Variants in TNIK observed in about 807,000 individuals in gnomAD.
TNIK encodes TRAF2 and NCK-interacting protein kinase.
TNIK carries 49 observed loss-of-function variants against 191.3 expected under a neutral mutation model. The ratio of observed to expected loss-of-function variants is 0.26; its 90% CI spans 0.20 to 0.32. The LOEUF is 0.32. TNIK is among the 10% of genes least tolerant of loss of function. TNIK has a pLI of 1.00. For synonymous variants in TNIK, 594 were observed against 600.9 expected (o/e 0.99, Z 0.17); for missense variants, 1,155 against 1,702.3 (o/e 0.68, Z 5.66).
intron 9 of TNIK, among the ~76,000 whole-genome samples, chr3:171,170,057 A>C (rs1735089149): frequency 6.6e-6 from 1 of 152,178 alleles, no homozygotes; most frequent in Admixed American, 6.5e-5. Flanking sequence ...GTTGAATATT[A>C]CCTCACTGTT....
intron 24 of TNIK, 114 bp from the exon 25 acceptor site, chr3:171,085,343 T>A (rs965308441): frequency 8.9e-6 from 9 of 1,007,850 alleles, no homozygotes; most frequent in Non-Finnish European, 1.3e-5. Context: ...GGTATTCAGG[T>A]GTTCACATTC....
At chr3:171,140,968 A>AC (rs1456196417) in intron 12 of TNIK, among the ~76,000 whole-genome samples, 1 of 152,240 alleles carries the variant, frequency 6.6e-6, no homozygotes, top group African/African-American at 2.4e-5. Context: ...TCAAAGCCAT[A>AC]CAGAATTGAT....
chr3:171,139,370 GCACGCGCGCACACACACACACA>G lies in TNIK; in HGVS notation c.1419+78_1419+99del, dbSNP rs369149036. On this transcript the variant is annotated intron_variant, in intron 14 of 32. Transcript: ENST00000436636. ...GGACTGGTATGTTAGAAGGACACAC[GCACGCGCGCACACACACACACA>G]CACACACACACACACACACACAAAC... The G allele has an allele frequency of 7.1e-3, 6,429 of 902,824 alleles. 194 individuals carry two copies. The African/African-American group carries it at 0.097, about 14-fold the overall frequency. 55.9% of individuals were successfully genotyped at this position (902,824 alleles called of 1,614,324 possible). A position where few individuals can be genotyped will look rare whatever the true frequency, so the allele number is the denominator to read the frequency against.
intron 1 of TNIK, among the ~76,000 whole-genome samples, chr3:171,450,446 A>G (rs1228999038): frequency 6.6e-6 from 1 of 152,162 alleles, no homozygotes; most frequent in Admixed American, 6.5e-5. Flanking sequence ...GATGTTGGCA[A>G]TCCAGTTGAG....
intron 9 of TNIK, among the ~76,000 whole-genome samples, chr3:171,172,274 T>G (rs1735387250): frequency 1.3e-5 from 2 of 152,186 alleles, no homozygotes; most frequent in South Asian, 4.1e-4. Flanking sequence ...GGCGCCCCCT[T>G]TGGTCAGGTG....
chr3:171,433,737 C>A (rs937168619), intron 1 of TNIK, among the ~76,000 whole-genome samples: 14 of 151,906 alleles, frequency 9.2e-5, no homozygotes, highest in Non-Finnish European at 1.8e-4. Flanking sequence ...TATTGAAATT[C>A]CATATTAATA....
intron 1 of TNIK, among the ~76,000 whole-genome samples, chr3:171,380,010 AAC>A (rs142059726): frequency 1.5e-4 from 18 of 123,234 alleles, no homozygotes; most frequent in South Asian, 2.9e-4. Context: ...ACTTGGTCAA[AAC>A]ACACACACAC....
At chr3:171,246,723 G>A (rs1364708060) in intron 2 of TNIK, among the ~76,000 whole-genome samples, 1 of 152,148 alleles carries the variant, frequency 6.6e-6, no homozygotes, top group African/African-American at 2.4e-5. Flanking sequence ...AAGATCTTGA[G>A]TTTTCAGCTA....
intron 2 of TNIK, among the ~76,000 whole-genome samples, chr3:171,355,824 C>A (rs1713965820): frequency 6.6e-6 from 1 of 152,162 alleles, no homozygotes; most frequent in Non-Finnish European, 1.5e-5. Flanking sequence ...GTAGCCAGGT[C>A]ATCCTCCTCT....
At chr3:171,151,839 CTT>C (rs964356421) in intron 12 of TNIK, among the ~76,000 whole-genome samples, 1 of 152,214 alleles carries the variant, frequency 6.6e-6, no homozygotes. Context: ...CCTCACCACT[CTT>C]TTGTGGGTGG....
intron 2 of TNIK, among the ~76,000 whole-genome samples, chr3:171,285,876 A>G (rs13071466): frequency 0.026 from 3,891 of 152,226 alleles, 60 homozygotes; most frequent in Middle Eastern, 0.037. Flanking sequence ...GTAGTCGGAG[A>G]GTTGAGAAAT....
chr3:171,182,796 G>A (rs1045221627), intron 7 of TNIK, among the ~76,000 whole-genome samples: 5 of 152,190 alleles, frequency 3.3e-5, no homozygotes, highest in African/African-American at 1.2e-4. Flanking sequence ...AAGAATGAGA[G>A]GCTGTGTGGC....
chr3:171,122,019 C>A (rs747282717), intron 18 of TNIK, among the ~76,000 whole-genome samples: 1 of 152,118 alleles, frequency 6.6e-6, no homozygotes, highest in African/African-American at 2.4e-5. Context: ...AGTATAATAT[C>A]CAAGTGGTTC....
chr3:171,077,840 T>C (rs1348938126), intron 28 of TNIK, among the ~76,000 whole-genome samples: 1 of 151,930 alleles, frequency 6.6e-6, no homozygotes, highest in South Asian at 2.1e-4. Context: ...TACATACATA[T>C]ATACAGCTGT....
chr3:171,093,498 T>G (rs903057366), intron 23 of TNIK, among the ~76,000 whole-genome samples: 21 of 152,208 alleles, frequency 1.4e-4, no homozygotes, highest in Admixed American at 6.5e-5. Flanking sequence ...AGGCCAGTGA[T>G]GCTATTCAGA....
In TNIK at chr3:171,084,108, T is replaced by C. The variant is rs779289298; in HGVS notation, c.3169+47A>G. 3 of 1,492,828 alleles carry C rather than the reference T, an allele frequency of 2.0e-6. No homozygotes were observed. The Admixed American group carries it at 7.4e-5, about 37-fold the overall frequency. 92.5% of individuals were successfully genotyped at this position (1,492,828 alleles called of 1,614,324 possible). A position where few individuals can be genotyped will look rare whatever the true frequency, so the allele number is the denominator to read the frequency against. The stretch of plus-strand genomic sequence containing the variant: ...TTTTAATGTTTGAGGGTCAGTTCAT[T>C]AATGAGTGGTTATTTAAAAAAAAAA... On this transcript the variant is annotated intron_variant, in intron 26 of 32. Transcript: ENST00000436636.
At chr3:171,071,190 A>G (rs1217308311) in intron 29 of TNIK, 33 bp downstream of exon 29, 1 of 1,533,100 alleles carries the variant, frequency 6.5e-7, no homozygotes, top group Admixed American at 2.2e-5. Context: ...AATTTTTAAA[A>G]AGCACATTTT....
chr3:171,099,388 T>TTTAA (rs369256171), intron 22 of TNIK, among the ~76,000 whole-genome samples: 1 of 151,476 alleles, frequency 6.6e-6, no homozygotes, highest in African/African-American at 2.4e-5. Context: ...TTTTTTTTTT[T>TTTAA]AATCTTGCTG....
chr3:171,381,822 G>A (rs1477574487), intron 1 of TNIK, among the ~76,000 whole-genome samples: 1 of 152,170 alleles, frequency 6.6e-6, no homozygotes, highest in African/African-American at 2.4e-5. Context: ...CCTCCTTCCT[G>A]CTGCCTGGAA....
Sources: gnomAD v4.1 joint callset for allele counts (sites outside exome capture counted in the v4.1 genomes callset) on GRCh38, gnomAD v4.1.1 for gene constraint, MANE v1.5 for transcripts, NCBI Gene and HGNC (gene_info 2026-07-23, HGNC 2026-07-21) for gene names.